The following NOP58 variants were observed in gnomAD, a reference collection of about 807,000 sequenced individuals.
NOP58 encodes nucleolar protein 58.
A neutral mutation model predicts 71.2 loss-of-function variants in NOP58; 44 were observed. The observed-to-expected ratio is 0.62, with a 90% CI of 0.49 to 0.79. NOP58 has a LOEUF of 0.79. NOP58 is among the 30% of genes least tolerant of loss of function. NOP58 has a pLI of 0.00. For synonymous variants in NOP58, 228 were observed against 200.3 expected, an observed-to-expected ratio of 1.14 and a Z score of -1.17; for missense variants, 538 against 620.2, an observed-to-expected ratio of 0.87 and a Z score of 1.41.
Position 202,287,772 on chromosome 2 carries a change from C to G in NOP58, c.499+48C>G, listed in dbSNP as rs528030371. The G allele has an allele frequency of 3.1e-6, 4 of 1,277,314 alleles. No individual in the cohort carries two copies. The East Asian group carries it at 9.3e-5, about 30-fold the overall frequency. The allele number at this position is 1,277,314 out of a possible 1,614,324, so 79.1% of individuals were successfully genotyped here. A position where few individuals can be genotyped will look rare whatever the true frequency, so the allele number is the denominator to read the frequency against. On this transcript the variant is annotated intron_variant, in intron 6 of 14. Coordinates refer to ENST00000264279, the MANE Select transcript of NOP58 (RefSeq NM_015934.5). ...CCGATTTGTTGCTCTGTCCTTCATGCGTTTTCATACTGTTGAAACTATCTT... is the reference window on the plus strand; with the variant it reads ...CCGATTTGTTGCTCTGTCCTTCATGGGTTTTCATACTGTTGAAACTATCTT...
chr2:202,295,239 A>C (rs1342802884), intron 9 of NOP58, among the ~76,000 whole-genome samples: 1 of 152,224 alleles, frequency 6.6e-6, no homozygotes, highest in Non-Finnish European at 1.5e-5. Flanking sequence ...ATTAATAGAT[A>C]CTTGTAGGAA....
chr2:202,266,068 C>T, intron 1 of NOP58, 82 bp downstream of exon 1: 1 of 1,500,538 alleles, frequency 6.7e-7, no homozygotes, highest in African/African-American at 1.4e-5. Context: ...CACGGAACTA[C>T]TCAGAGTAGC....
intron 14 of NOP58, 137 bp from the exon 15 acceptor site, chr2:202,303,249 A>T: frequency 7.2e-7 from 1 of 1,396,292 alleles, no homozygotes; most frequent in Non-Finnish European, 9.7e-7. Flanking sequence ...ATTACTAAAA[A>T]TCAAGTTTGC....
intron 13 of NOP58, 100 bp from the exon 14 acceptor site, chr2:202,302,821 G>T: frequency 2.0e-6 from 3 of 1,466,364 alleles, no homozygotes; most frequent in Non-Finnish European, 2.7e-6. Flanking sequence ...TTGGGTAGTT[G>T]ATGAGAATGA....
intron 1 of NOP58, among the ~76,000 whole-genome samples, chr2:202,273,712 G>A (rs890170245): frequency 1.3e-5 from 2 of 152,226 alleles, no homozygotes; most frequent in Non-Finnish European, 2.9e-5. Context: ...GGAGGCCGAG[G>A]CAGGTGGATC....
chr2:202,290,653 C>T (rs985912633), intron 7 of NOP58, among the ~76,000 whole-genome samples, 196 bp downstream of exon 7: 2 of 151,972 alleles, frequency 1.3e-5, no homozygotes, highest in African/African-American at 4.8e-5. Flanking sequence ...TGGCCTATAA[C>T]ATGATATTAG....
Position 202,283,553 on chromosome 2 carries a change from G to A in NOP58, c.298-792G>A, listed in dbSNP as rs183852723. Among the ~76,000 whole-genome samples the A allele has an allele frequency of 2.0e-5, 3 of 151,684 alleles. No individual in the cohort carries two copies. The East Asian group carries it at 5.9e-4, about 30-fold the overall frequency. On this transcript the variant is annotated intron_variant, in intron 4 of 14. Coordinates refer to ENST00000264279, the MANE Select transcript of NOP58 (RefSeq NM_015934.5). ...CCTCCTGGGTTGAAGTGATTCTCCTGCCTCAGCCTCCCGAGTAGCTGGGAC... is the reference window on the plus strand; with the variant it reads ...CCTCCTGGGTTGAAGTGATTCTCCTACCTCAGCCTCCCGAGTAGCTGGGAC...
At chr2:202,286,481 G>C (rs979832789) in intron 5 of NOP58, among the ~76,000 whole-genome samples, 6 of 152,098 alleles carry the variant, frequency 3.9e-5, no homozygotes, top group Admixed American at 1.3e-4. Context: ...CTCCAGCCTG[G>C]GTGACAGAGT....
Position 202,265,838 on chromosome 2 carries a change from T to C in NOP58, c.-104T>C. 2 of 1,307,190 alleles carry C rather than the reference T, an allele frequency of 1.5e-6. No individual in the cohort carries two copies. Among genetic ancestry groups the C allele is most frequent in the Non-Finnish European group, 1.1e-6 (1 of 912,090 alleles). 81.0% of individuals were successfully genotyped at this position (1,307,190 alleles called of 1,614,324 possible). On this transcript the variant is annotated 5_prime_UTR_variant, in exon 1 of 15. Transcript: ENST00000264279. ...CGGGACGGCGAGCGCATTTGTGCTT[T>C]GCCCGCCGCGGCCTAGGAGGCCTTT...
chr2:202,280,525 G>A (rs1275432994), intron 3 of NOP58, among the ~76,000 whole-genome samples: 1 of 152,098 alleles, frequency 6.6e-6, no homozygotes, highest in East Asian at 1.9e-4. Flanking sequence ...TAGAGACGGG[G>A]TTTTGCCTGT....
chr2:202,299,207 C>T (rs1281650578), intron 12 of NOP58, among the ~76,000 whole-genome samples: 1 of 152,142 alleles, frequency 6.6e-6, no homozygotes, highest in Non-Finnish European at 1.5e-5. Context: ...ATCCGCCCGC[C>T]TTGGCCTCCC....
At chr2:202,274,400 ATTTTTTTT>A (rs1173477305) in intron 1 of NOP58, among the ~76,000 whole-genome samples, 6 of 104,682 alleles carry the variant, frequency 5.7e-5, no homozygotes, top group African/African-American at 2.0e-4. Context: ...CTAATTTTGT[ATTTTTTTT>A]TTTTTTTTTT....
rs1482177064 is a variant in NOP58, at chr2:202,297,568, CTG to C, written c.1206+56_1206+57del. 6 of 1,532,702 alleles carry C rather than the reference CTG, an allele frequency of 3.9e-6. No individual in the cohort carries two copies. The African/African-American group carries it at 6.9e-5, about 18-fold the overall frequency. 94.9% of individuals were successfully genotyped at this position (1,532,702 alleles called of 1,614,324 possible). A position where few individuals can be genotyped will look rare whatever the true frequency, so the allele number is the denominator to read the frequency against. The stretch of plus-strand genomic sequence containing the variant: ...GTATTACTTGTCAAAAGTTAATAAA[CTG>C]AGTAAATTTATTAACTTCATCTGCT... On this transcript the variant is annotated intron_variant, in intron 11 of 14. Coordinates refer to ENST00000264279, the MANE Select transcript of NOP58 (RefSeq NM_015934.5).
intron 9 of NOP58, chr2:202,293,229 ACTAGAC>A: frequency 2.2e-6 from 1 of 463,630 alleles, no homozygotes. Context: ...ATAAAAACTC[ACTAGAC>A]CTAGATTTGA....
chr2:202,288,555 C>T (rs1216940494), intron 6 of NOP58, among the ~76,000 whole-genome samples: 1 of 150,976 alleles, frequency 6.6e-6, no homozygotes, highest in Admixed American at 6.6e-5. Context: ...CCGTGGCTCA[C>T]GCCTGTAATC....
intron 5 of NOP58, among the ~76,000 whole-genome samples, chr2:202,285,942 C>G (rs1343534414): frequency 6.6e-6 from 1 of 151,076 alleles, no homozygotes; most frequent in Non-Finnish European, 1.5e-5. Context: ...CGCCTGTAAT[C>G]CCAACACTTT....
chr2:202,266,338 G>C (rs914272473), intron 1 of NOP58, among the ~76,000 whole-genome samples: 1 of 149,654 alleles, frequency 6.7e-6, no homozygotes, highest in African/African-American at 2.5e-5. Flanking sequence ...CGCTCTTGTT[G>C]CCCATGCTGG....
At chr2:202,278,328 A>G in intron 3 of NOP58, 1 of 495,904 alleles carries the variant, frequency 2.0e-6, no homozygotes, top group Admixed American at 2.3e-5. Flanking sequence ...CAAGGGACCA[A>G]GGTAATGTGG....
At chr2:202,299,921 G>T in intron 12 of NOP58, 1 of 180,700 alleles carries the variant, frequency 5.5e-6, no homozygotes, top group Non-Finnish European at 1.1e-5. Flanking sequence ...AGTTAGGTGT[G>T]AAGACGTTTT....
Sources: allele counts gnomAD v4.1 joint callset (sites outside exome capture counted in the v4.1 genomes callset), GRCh38; gene constraint gnomAD v4.1.1; transcripts MANE v1.5; gene names NCBI Gene and HGNC (gene_info 2026-07-23, HGNC 2026-07-21).